Variants in NTRK2 observed in about 807,000 individuals in gnomAD.
NTRK2 encodes neurotrophic receptor tyrosine kinase 2.
Under a neutral mutation model 94.5 loss-of-function variants are expected in NTRK2, and 13 were observed. That is an observed-to-expected ratio of 0.14 (90% confidence interval 0.09 to 0.22). The LOEUF is 0.22. NTRK2 is among the 10% of genes least tolerant of loss of function. The probability of loss-of-function intolerance (pLI) is 1.00; values close to 1 mark genes in which losing one functional copy is unlikely to be tolerated. For synonymous variants in NTRK2, 372 were observed against 407.4 expected (o/e 0.91, Z 1.05); for missense variants, 639 against 1,071.2 (o/e 0.60, Z 5.63).
chr9:84,771,442 C>A lies in NTRK2; in HGVS notation c.1396+19357C>A, dbSNP rs76218412. On this transcript the variant is annotated intron_variant, in intron 12 of 18. Transcript: ENST00000277120. ...AATGAAGGGATAATGGCAATGATGG[C>A]ATGGCCATCTAGATGGACTTCCTTC... 8.0e-3 allele frequency among the ~76,000 whole-genome samples: 1,225 copies of A among 152,294 alleles called. 20 individuals are homozygous for A. Among genetic ancestry groups the A allele is most frequent in the East Asian group, 0.044 (226 of 5,172 alleles).
chr9:84,702,268 G>C, intron 3 of NTRK2, 35 bp downstream of exon 3: 1 of 1,611,976 alleles, frequency 6.2e-7, no homozygotes, highest in Non-Finnish European at 8.5e-7. Flanking sequence ...TTATCTCAGA[G>C]AATTTTCCTG....
intron 7 of NTRK2, among the ~76,000 whole-genome samples, 168 bp downstream of exon 7, chr9:84,723,877 G>A (rs1014658284): frequency 6.6e-6 from 1 of 152,164 alleles, no homozygotes; most frequent in Non-Finnish European, 1.5e-5. Context: ...AATTAATAAA[G>A]ACTAATGCAG....
At chr9:84,727,998 A>G in intron 9 of NTRK2, 39 bp downstream of exon 9, 1 of 1,583,128 alleles carries the variant, frequency 6.3e-7, no homozygotes, top group Non-Finnish European at 8.7e-7. Flanking sequence ...GAGAAGATAA[A>G]GTCTATCATT....
intron 12 of NTRK2, among the ~76,000 whole-genome samples, chr9:84,800,069 A>T (rs1043719536): frequency 6.6e-6 from 1 of 152,238 alleles, no homozygotes; most frequent in Non-Finnish European, 1.5e-5. Context: ...TGCTGCCGGA[A>T]GATGGAAACA....
At chr9:84,720,936 G>A (rs2062018811) in intron 6 of NTRK2, among the ~76,000 whole-genome samples, 1 of 152,078 alleles carries the variant, frequency 6.6e-6, no homozygotes, top group African/African-American at 2.4e-5. Context: ...TTGGAAAATA[G>A]GAAAGGATTA....
At position 84,707,840 on chromosome 9, in the gene NTRK2, T is replaced by G; in HGVS notation, c.360-4T>G. 1 of 1,610,708 alleles carries G rather than the reference T, an allele frequency of 6.2e-7. No homozygotes were observed. Among genetic ancestry groups the G allele is most frequent in the Non-Finnish European group, 8.5e-7 (1 of 1,177,334 alleles). On this transcript the variant is annotated splice_polypyrimidine_tract_variant and splice_region_variant and intron_variant, in intron 4 of 18. Transcript: ENST00000277120. ...TCATGTTTAATGTTTTTGATTCCTT[T>G]CAGCAATTTTACCCGAAACAAACTG...
intron 15 of NTRK2, among the ~76,000 whole-genome samples, chr9:84,947,902 T>C (rs2078653749): frequency 6.6e-6 from 1 of 152,136 alleles, no homozygotes; most frequent in Non-Finnish European, 1.5e-5. Context: ...CATCTTCACC[T>C]TGGCAGCATG....
chr9:84,710,399 G>T (rs1304081027), intron 5 of NTRK2, among the ~76,000 whole-genome samples: 2 of 152,150 alleles, frequency 1.3e-5, no homozygotes, highest in Admixed American at 6.5e-5. Context: ...TCTCTATCTT[G>T]TTTCCCCTGT....
At chr9:84,977,695 G>T (rs1386320942) in intron 17 of NTRK2, among the ~76,000 whole-genome samples, 1 of 152,154 alleles carries the variant, frequency 6.6e-6, no homozygotes, top group Non-Finnish European at 1.5e-5. Flanking sequence ...AGTTGTACAG[G>T]CATACCTCAT....
At chr9:84,933,922 T>A (rs182288976) in intron 14 of NTRK2, among the ~76,000 whole-genome samples, 2 of 152,346 alleles carry the variant, frequency 1.3e-5, no homozygotes, top group Admixed American at 1.3e-4. Flanking sequence ...AGTCAGCAAC[T>A]AGGTATCTAC....
chr9:84,914,470 T>C (rs2077336050), intron 14 of NTRK2, among the ~76,000 whole-genome samples: 1 of 152,198 alleles, frequency 6.6e-6, no homozygotes, highest in South Asian at 2.1e-4. Context: ...CTGTTTGAGA[T>C]GGTTTCCTCT....
chr9:84,701,848 C>T (rs772351535), intron 2 of NTRK2, among the ~76,000 whole-genome samples: 20 of 152,168 alleles, frequency 1.3e-4, no homozygotes, highest in Admixed American at 4.6e-4. Flanking sequence ...TGCATTTCCA[C>T]GGTGTTTTCA....
At chr9:84,763,039 C>T (rs1426876065) in intron 12 of NTRK2, among the ~76,000 whole-genome samples, 1 of 152,194 alleles carries the variant, frequency 6.6e-6, no homozygotes, top group Non-Finnish European at 1.5e-5. Flanking sequence ...CTGCCACCTT[C>T]ATATGTGTCT....
In NTRK2 at chr9:84,753,534, G is replaced by T. The variant is rs80002842; in HGVS notation, c.1396+1449G>T. 9.3e-3 allele frequency among the ~76,000 whole-genome samples: 1,419 copies of T among 152,168 alleles called. 19 individuals carry two copies. Among genetic ancestry groups the T allele is most frequent in the African/African-American group, 0.032 (1,348 of 41,494 alleles). On this transcript the variant is annotated intron_variant, in intron 12 of 18. Transcript: ENST00000277120. ...CTGTTCTCTACAATAAACATGGGCT[G>T]CCAGGCCCCCTTCAGAATGTGACAA...
intron 12 of NTRK2, chr9:84,811,746 A>G: frequency 1.9e-6 from 2 of 1,065,560 alleles, no homozygotes; most frequent in South Asian, 4.5e-5. Context: ...GTCCTTCTTC[A>G]TTGCTGAGAG....
intron 12 of NTRK2, among the ~76,000 whole-genome samples, chr9:84,855,158 T>C (rs577107616): frequency 6.6e-6 from 1 of 152,070 alleles, no homozygotes; most frequent in African/African-American, 2.4e-5. Context: ...GGAGAAACCG[T>C]TGGAGGATGT....
At chr9:84,850,197 A>G (rs545881646) in intron 12 of NTRK2, among the ~76,000 whole-genome samples, 13 of 152,002 alleles carry the variant, frequency 8.6e-5, no homozygotes, top group Non-Finnish European at 8.8e-5. Context: ...TGGGGGTTAC[A>G]TGTCTGGTGG....
intron 6 of NTRK2, among the ~76,000 whole-genome samples, chr9:84,720,771 T>C (rs1232248800): frequency 6.6e-6 from 1 of 151,904 alleles, no homozygotes; most frequent in African/African-American, 2.4e-5. Context: ...ATTGCATCCA[T>C]GGAACAAGAA....
At chr9:84,911,077 T>C (rs773613774) in intron 14 of NTRK2, among the ~76,000 whole-genome samples, 2 of 152,198 alleles carry the variant, frequency 1.3e-5, no homozygotes, top group Non-Finnish European at 1.5e-5. Context: ...TTAATCAGTA[T>C]TGTAGTTTTG....
Sources: allele counts gnomAD v4.1 joint callset (sites outside exome capture counted in the v4.1 genomes callset), GRCh38; gene constraint gnomAD v4.1.1; transcripts MANE v1.5; gene names NCBI Gene and HGNC (gene_info 2026-07-23, HGNC 2026-07-21).